TTC12: variants seen among roughly 807,000 people sequenced by gnomAD.
TTC12 encodes tetratricopeptide repeat domain 12.
In TTC12, 70 loss-of-function variants were observed where a neutral mutation model predicts 90.1. The observed-to-expected ratio is 0.78, with a 90% confidence interval of 0.64 to 0.95. The LOEUF is 0.95. Among genes scored for constraint, TTC12 ranks in the 40% least tolerant of loss-of-function variants. The pLI is 0.00. For synonymous variants in TTC12, 296 were observed against 311.5 expected (o/e 0.95, Z 0.53); for missense variants, 819 against 846.1 (o/e 0.97, Z 0.40).
intron 14 of TTC12, 75 bp from the exon 15 acceptor site, chr11:113,351,164 A>C: frequency 1.4e-6 from 2 of 1,390,658 alleles, no homozygotes; most frequent in Non-Finnish European, 2.0e-6. Context: ...TGCAACATTA[A>C]CTATCTGAGA....
intron 6 of TTC12, among the ~76,000 whole-genome samples, chr11:113,327,511 T>C (rs1423948182): frequency 6.6e-6 from 1 of 152,198 alleles, no homozygotes; most frequent in African/African-American, 2.4e-5. Flanking sequence ...GATCAATAGA[T>C]TGCCGGTATA....
chr11:113,329,816 A>T, intron 6 of TTC12, 104 bp from the exon 7 acceptor site: 1 of 940,202 alleles, frequency 1.1e-6, no homozygotes, highest in Non-Finnish European at 1.8e-6. Flanking sequence ...CAGGTAGGGG[A>T]TAGTTCTCGC....
At chr11:113,341,417 A>G (rs1948673418) in intron 11 of TTC12, among the ~76,000 whole-genome samples, 1 of 152,198 alleles carries the variant, frequency 6.6e-6, no homozygotes, top group African/African-American at 2.4e-5. Flanking sequence ...AAATGGGCCA[A>G]TCCCATTTAT....
Position 113,338,818 on chromosome 11 carries a change from G to T in TTC12, c.621G>T (p.Leu207=), listed in dbSNP as rs1555144922. ...YKKILEINPK[L]QTQVKGYLNQ... ...AGATCTTAGAAATAAACCCCAAGCT[G>T]CAAACCCAGGTGAAAGGTGAGCACG... The change falls in exon 9 of 22, where the codon CTG becomes CTT. Residue 207 remains leucine (L), a synonymous_variant. Transcript: ENST00000529221. The T allele has an allele frequency of 3.1e-6, 5 of 1,613,990 alleles. No individual in the cohort carries two copies. Among genetic ancestry groups the T allele is most frequent in the South Asian group, 1.1e-5 (1 of 91,066 alleles).
chr11:113,350,267 C>T, intron 14 of TTC12, 102 bp downstream of exon 14: 2 of 890,720 alleles, frequency 2.2e-6, no homozygotes, highest in Non-Finnish European at 3.5e-6. Flanking sequence ...GGCCAAGTCT[C>T]CAAGTGAGTA....
In TTC12 at chr11:113,341,950, T is replaced by C. The variant is rs782623362; in HGVS notation, c.985+25T>C. 10 of 1,587,788 alleles carry C rather than the reference T, an allele frequency of 6.3e-6. No individual in the cohort carries two copies. The South Asian group carries it at 8.8e-5, about 14-fold the overall frequency. On this transcript the variant is annotated intron_variant, in intron 12 of 21. Coordinates refer to ENST00000529221, the MANE Select transcript of TTC12 (RefSeq NM_017868.4). ...GGTAAGCCTGGGTAATCACCGTTGATCACCATTAATGCGCTGCGTGCAGGA... is the reference window on the plus strand; with the variant it reads ...GGTAAGCCTGGGTAATCACCGTTGACCACCATTAATGCGCTGCGTGCAGGA...
Position 113,361,228 on chromosome 11 carries a change from GATA to G in TTC12, c.1615-1169_1615-1167del, listed in dbSNP as rs541674212. On this transcript the variant is annotated intron_variant, in intron 18 of 21. Coordinates refer to ENST00000529221, the MANE Select transcript of TTC12 (RefSeq NM_017868.4). ...GGAAGCAGATTAGGGAAACAAGATT[GATA>G]ATACACAAGTTTATCTTTTCTCCCT... Among the ~76,000 whole-genome samples, 9 of 152,300 alleles carry G rather than the reference GATA, an allele frequency of 5.9e-5. No individual in the cohort carries two copies. The South Asian group carries it at 1.9e-3, about 32-fold the overall frequency.
At chr11:113,345,192 A>C (rs1948880378) in intron 13 of TTC12, among the ~76,000 whole-genome samples, 1 of 152,210 alleles carries the variant, frequency 6.6e-6, no homozygotes. Flanking sequence ...GTTCAATCTA[A>C]CAGAAATAGT....
In TTC12 at chr11:113,338,874, C is replaced by T. The variant is rs781943440; in HGVS notation, c.637+40C>T. 1.9e-6 allele frequency: 3 copies of T among 1,569,368 alleles called. No homozygotes were observed. In the Admixed American group the frequency reaches 5.0e-5, roughly 26 times the overall value. On this transcript the variant is annotated intron_variant, in intron 9 of 21. Coordinates refer to ENST00000529221, the MANE Select transcript of TTC12 (RefSeq NM_017868.4). ...GCTGAGGTCCTTCATCTGAACTCCA[C>T]CTCCCTCTGCCCCCTGCCTTAGAAT...
downstream of TTC12, chr11:113,368,320 C>T: frequency 6.5e-7 from 1 of 1,545,034 alleles, no homozygotes; most frequent in Non-Finnish European, 8.7e-7. Flanking sequence ...ACCCCCGCCA[C>T]CGCCCCAAAC....
downstream of TTC12, among the ~76,000 whole-genome samples, chr11:113,367,141 A>T (rs1950244050): frequency 6.6e-6 from 1 of 152,186 alleles, no homozygotes; most frequent in African/African-American, 2.4e-5. Flanking sequence ...CCTAAGTGAG[A>T]AGTCCAATAA....
chr11:113,325,525 C>G lies in TTC12; in HGVS notation c.324C>G (p.Ala108=). Residue 108 remains alanine (A), a splice_region_variant and synonymous_variant, in exon 6 of 22, where the codon GCC becomes GCG. Coordinates refer to ENST00000529221, the MANE Select transcript of TTC12 (RefSeq NM_017868.4). The part of the protein sequence containing the change: ...RRRENKVLAD[A]LKEKGNEAFA... Reference sequence around the variant, plus strand: ...CCTGTGTAACTTATATTCCCATAGCCCTAAAAGAAAAAGGGAATGAAGCAT... The same window carrying G: ...CCTGTGTAACTTATATTCCCATAGCGCTAAAAGAAAAAGGGAATGAAGCAT... 1 of 1,613,580 alleles carries G rather than the reference C, an allele frequency of 6.2e-7. No homozygotes were observed. The highest frequency in any genetic ancestry group is 8.5e-7 in the Non-Finnish European group (1 of 1,179,638).
In TTC12 at chr11:113,335,092, G is replaced by A. The variant is rs544401862; in HGVS notation, c.576+55G>A. ...GTTTGATCACAGACTGATGCTCCCA[G>A]TTGTGCTAGAGGAGAACCATGATTC... On this transcript the variant is annotated intron_variant, in intron 8 of 21. Coordinates refer to ENST00000529221, the MANE Select transcript of TTC12 (RefSeq NM_017868.4). The A allele has an allele frequency of 6.0e-5, 78 of 1,291,146 alleles. No homozygotes were observed. The East Asian group carries it at 1.7e-3, about 28-fold the overall frequency. The allele number at this position is 1,291,146 out of a possible 1,614,324, so 80.0% of individuals were successfully genotyped here.
intron 11 of TTC12, chr11:113,341,534 T>A: frequency 2.7e-6 from 1 of 376,200 alleles, no homozygotes. Context: ...GATACCCGTG[T>A]GGGTTGGAGT....
chr11:113,353,914 C>G (rs1949468014), intron 16 of TTC12, among the ~76,000 whole-genome samples: 1 of 152,160 alleles, frequency 6.6e-6, no homozygotes, highest in South Asian at 2.1e-4. Context: ...CAGCTTTGTT[C>G]TTTTTGCTTA....
Position 113,345,864 on chromosome 11 carries a change from A to G in TTC12, c.1154+1424A>G, listed in dbSNP as rs142226296. Among the ~76,000 whole-genome samples the G allele has an allele frequency of 3.2e-3, 493 of 151,732 alleles. 4 individuals carry two copies. The highest frequency in any genetic ancestry group is 0.011 in the African/African-American group (467 of 41,362). ...GCTATCTTTGAATTGCTTGAGCTTC[A>G]ATGTGCATTTTTCCAGTGTCTCGGA... On this transcript the variant is annotated intron_variant, in intron 13 of 21. Transcript: ENST00000529221.
chr11:113,363,705 C>G, intron 19 of TTC12, 123 bp from the exon 20 acceptor site: 1 of 662,622 alleles, frequency 1.5e-6, no homozygotes, highest in South Asian at 1.9e-5. Flanking sequence ...ATGCCGTTCT[C>G]AGTAGAATTC....
At chr11:113,326,382 T>C (rs1555141069) in intron 6 of TTC12, among the ~76,000 whole-genome samples, 9 of 152,052 alleles carry the variant, frequency 5.9e-5, no homozygotes. Context: ...GCCTGAAAAA[T>C]TGGCAGATTC....
chr11:113,320,929 G>C (rs1555138128), intron 2 of TTC12, among the ~76,000 whole-genome samples: 2 of 152,136 alleles, frequency 1.3e-5, no homozygotes, highest in Non-Finnish European at 2.9e-5. Flanking sequence ...TGTAGTCTTT[G>C]CTACTCAGGA....
Sources: gnomAD v4.1 joint callset for allele counts (sites outside exome capture counted in the v4.1 genomes callset) on GRCh38, gnomAD v4.1.1 for gene constraint, MANE v1.5 for transcripts, NCBI Gene and HGNC (gene_info 2026-07-23, HGNC 2026-07-21) for gene names.